Variants in EPB41L2 observed in about 807,000 individuals in gnomAD.
The protein encoded by EPB41L2 is band 4.1-like protein 2.
A neutral mutation model predicts 113.0 loss-of-function variants in EPB41L2; 43 were observed. The ratio of observed to expected loss-of-function variants is 0.38; its 90% CI spans 0.30 to 0.49. The LOEUF is 0.49. Ranked by LOEUF, EPB41L2 falls within the 20% of genes least tolerant of loss-of-function variation. The pLI is 0.95. For synonymous variants in EPB41L2, 442 were observed against 436.7 expected (o/e 1.01, Z -0.15); for missense variants, 1,147 against 1,223.4 (o/e 0.94, Z 0.93).
At chr6:130,851,952 A>T (rs924333342) in intron 19 of EPB41L2, among the ~76,000 whole-genome samples, 1 of 152,146 alleles carries the variant, frequency 6.6e-6, no homozygotes, top group Non-Finnish European at 1.5e-5. Flanking sequence ...TACACAATTC[A>T]TTCAGGGGAC....
intron 3 of EPB41L2, among the ~76,000 whole-genome samples, chr6:130,935,889 T>C (rs556759649): frequency 2.0e-5 from 3 of 152,118 alleles, no homozygotes; most frequent in African/African-American, 7.2e-5. Flanking sequence ...ATTTACATTC[T>C]AGCTCCACAA....
At chr6:130,977,761 C>T (rs746309110) in intron 1 of EPB41L2, among the ~76,000 whole-genome samples, 1 of 152,190 alleles carries the variant, frequency 6.6e-6, no homozygotes, top group African/African-American at 2.4e-5. Context: ...TGCCAGTTAG[C>T]TACACGTATA....
At chr6:130,845,363 T>C (rs1345712912) in intron 19 of EPB41L2, among the ~76,000 whole-genome samples, 1 of 141,260 alleles carries the variant, frequency 7.1e-6, no homozygotes, top group Non-Finnish European at 1.5e-5. Context: ...GGAATCAAAC[T>C]ATATTTGAGG....
intron 1 of EPB41L2, among the ~76,000 whole-genome samples, chr6:131,048,985 AG>A (rs1796029114): frequency 6.6e-6 from 1 of 152,138 alleles, no homozygotes; most frequent in South Asian, 2.1e-4. Context: ...CATAAATCAT[AG>A]ATCTATAGAC....
At chr6:130,992,817 G>T (rs890690498) in intron 1 of EPB41L2, among the ~76,000 whole-genome samples, 7 of 152,002 alleles carry the variant, frequency 4.6e-5, no homozygotes, top group Non-Finnish European at 1.0e-4. Flanking sequence ...AGTAGAGATG[G>T]GGTTTCACCA....
At chr6:130,871,497 G>A (rs537203162) in intron 14 of EPB41L2, among the ~76,000 whole-genome samples, 1 of 152,268 alleles carries the variant, frequency 6.6e-6, no homozygotes, top group South Asian at 2.1e-4. Context: ...AGACAGCAGG[G>A]CTGAGTTCAT....
At chr6:131,050,645 T>C (rs1472704869) in intron 1 of EPB41L2, among the ~76,000 whole-genome samples, 2 of 152,216 alleles carry the variant, frequency 1.3e-5, no homozygotes, top group Non-Finnish European at 2.9e-5. Flanking sequence ...TTCACATTAA[T>C]GTAAATCCCT....
At chr6:130,928,782 C>T (rs1322208623) in intron 3 of EPB41L2, among the ~76,000 whole-genome samples, 2 of 152,202 alleles carry the variant, frequency 1.3e-5, no homozygotes, top group East Asian at 3.8e-4. Context: ...ATTTTGTAAG[C>T]ATTTACTATT....
At chr6:130,995,409 C>A (rs1782868510) in intron 1 of EPB41L2, among the ~76,000 whole-genome samples, 1 of 152,210 alleles carries the variant, frequency 6.6e-6, no homozygotes, top group Non-Finnish European at 1.5e-5. Context: ...GAGGCCTAGG[C>A]AGGCAGATCA....
intron 1 of EPB41L2, among the ~76,000 whole-genome samples, chr6:131,049,563 A>T (rs1315640378): frequency 6.6e-6 from 1 of 152,238 alleles, no homozygotes; most frequent in Admixed American, 6.5e-5. Context: ...AACTAAACAG[A>T]GTACTGGGAA....
Position 130,890,420 on chromosome 6 carries a change from C to T in EPB41L2, c.1534G>A (p.Gly512Arg), listed in dbSNP as rs761255518. Residue 512 changes from glycine to arginine, a missense_variant, in exon 11 of 20, where the codon GGG (glycine) becomes AGG (arginine). Physicochemically the swap from Gly to Arg is moderately radical, Grantham distance 125. Coordinates refer to ENST00000337057, the MANE Select transcript of EPB41L2 (RefSeq NM_001431.4). ...CGGCCACTATAGCGAAATTTGGACC[C>T]CAAGGTCAGGAACTTGGCTTTTGGT... ...QPPKAKFLTLGSKFRYSGRTQ... is the reference protein window; with the variant it reads ...QPPKAKFLTLRSKFRYSGRTQ... 6.2e-7 allele frequency: 1 copy of T among 1,612,586 alleles called. No individual in the cohort carries two copies. The highest frequency in any genetic ancestry group is 8.5e-7 in the Non-Finnish European group (1 of 1,179,588).
intron 4 of EPB41L2, among the ~76,000 whole-genome samples, chr6:130,910,461 G>A (rs1256947404): frequency 6.6e-6 from 1 of 152,172 alleles, no homozygotes; most frequent in Non-Finnish European, 1.5e-5. Context: ...CAGGACATAG[G>A]CATGGGCAAA....
intron 1 of EPB41L2, among the ~76,000 whole-genome samples, chr6:130,967,657 C>T (rs956807721): frequency 3.3e-5 from 5 of 152,126 alleles, no homozygotes; most frequent in Admixed American, 1.3e-4. Context: ...TTCCTCCTCA[C>T]AGGGAAAAGC....
intron 1 of EPB41L2, among the ~76,000 whole-genome samples, chr6:130,990,427 C>T (rs1781552562): frequency 6.6e-6 from 1 of 151,888 alleles, no homozygotes; most frequent in African/African-American, 2.4e-5. Context: ...GGGAGAAATA[C>T]ATAACACATA....
intron 8 of EPB41L2, among the ~76,000 whole-genome samples, chr6:130,896,779 T>C (rs1209068507): frequency 6.6e-6 from 1 of 152,140 alleles, no homozygotes; most frequent in Non-Finnish European, 1.5e-5. Context: ...AATAAACTAA[T>C]GGAAAGGAGC....
chr6:131,030,767 T>C (rs1006979742), intron 1 of EPB41L2, among the ~76,000 whole-genome samples: 7 of 152,044 alleles, frequency 4.6e-5, no homozygotes, highest in African/African-American at 1.4e-4. Context: ...CCAAAGGGTC[T>C]GATGTATTAA....
At chr6:130,931,797 ATTCT>A (rs1287735185) in intron 3 of EPB41L2, among the ~76,000 whole-genome samples, 2 of 152,146 alleles carry the variant, frequency 1.3e-5, no homozygotes, top group Non-Finnish European at 2.9e-5. Context: ...TTCCCCCGAG[ATTCT>A]GGTATGTTCC....
rs564485089 is a variant in EPB41L2, at chr6:130,941,103, T to C, written c.705+14002A>G. On this transcript the variant is annotated intron_variant, in intron 3 of 19. Coordinates refer to ENST00000337057, the MANE Select transcript of EPB41L2 (RefSeq NM_001431.4). ...GGGATAAAAATTATTTCTGAACACA[T>C]AGGATATATTTAAATAAATACTATT... 3.3e-5 allele frequency among the ~76,000 whole-genome samples: 5 copies of C among 152,288 alleles called. No individual in the cohort carries two copies. The South Asian group carries it at 6.2e-4, about 19-fold the overall frequency.
At chr6:130,876,133 G>C (rs982614147) in intron 14 of EPB41L2, among the ~76,000 whole-genome samples, 8 of 152,246 alleles carry the variant, frequency 5.3e-5, no homozygotes, top group African/African-American at 1.4e-4. Context: ...GAAGAATGAG[G>C]ATGTAAAAGC....
Sources: allele counts gnomAD v4.1 joint callset (sites outside exome capture counted in the v4.1 genomes callset), GRCh38; gene constraint gnomAD v4.1.1; transcripts MANE v1.5; gene names NCBI Gene and HGNC (gene_info 2026-07-23, HGNC 2026-07-21).